The following LBR variants were observed in gnomAD, a reference collection of about 807,000 sequenced individuals.
LBR encodes delta(14)-sterol reductase LBR.
A neutral mutation model predicts 74.3 loss-of-function variants in LBR; 28 were observed. The ratio of observed to expected loss-of-function variants is 0.38; its 90% CI spans 0.28 to 0.52. LBR has a LOEUF of 0.52. Among genes scored for constraint, LBR ranks in the 20% least tolerant of loss-of-function variants. The pLI, the probability that LBR is intolerant of heterozygous loss-of-function variation, is 0.89. For missense variants in LBR, 717 were observed against 760.3 expected (o/e 0.94, Z 0.67); for synonymous variants, 228 against 269.3 (o/e 0.85, Z 1.50).
chr1:225,411,873 A>G (rs1016164577), intron 8 of LBR, among the ~76,000 whole-genome samples: 11 of 152,344 alleles, frequency 7.2e-5, no homozygotes, highest in Admixed American at 7.2e-4. Flanking sequence ...GCAGTGGCAC[A>G]GTCTCGGCTC....
intron 1 of LBR, among the ~76,000 whole-genome samples, chr1:225,425,062 T>TA (rs2096136391): frequency 6.6e-6 from 1 of 152,210 alleles, no homozygotes; most frequent in South Asian, 2.1e-4. Flanking sequence ...TTTCACCAAC[T>TA]AAGCACTTCT....
rs960364423 is a variant in LBR at position 225,422,481 on chromosome 1, G to GC, written c.166-205dup. The GC allele has an allele frequency of 2.0e-5, 12 of 598,354 alleles. No homozygotes were observed. The African/African-American group carries it at 2.2e-4, about 11-fold the overall frequency. 37.1% of individuals were successfully genotyped at this position (598,354 alleles called of 1,614,324 possible). ...ATCCATCTTTCATGAGACAAATGCA[G>GC]CCTTTCCATTCCTGTTCTTTGAAGG... On this transcript the variant is annotated intron_variant, in intron 2 of 13. Transcript: ENST00000272163.
At chr1:225,413,735 C>T (rs140664956) in intron 7 of LBR, 6 of 323,654 alleles carry the variant, frequency 1.9e-5, no homozygotes, top group Admixed American at 8.5e-5. Flanking sequence ...TCCAAAATGT[C>T]TTAGGAACCT....
chr1:225,416,479 A>G (rs2096117396), intron 6 of LBR, among the ~76,000 whole-genome samples: 1 of 152,252 alleles, frequency 6.6e-6, no homozygotes, highest in Non-Finnish European at 1.5e-5. Context: ...TCTTATCATT[A>G]GCTACAGATT....
chr1:225,423,038 C>T (rs1230450472), intron 2 of LBR, among the ~76,000 whole-genome samples: 1 of 152,150 alleles, frequency 6.6e-6, no homozygotes, highest in Non-Finnish European at 1.5e-5. Flanking sequence ...TATTCCTGGT[C>T]TAGAGCACTC....
chr1:225,428,640 C>T (rs1040965742), upstream of LBR: 1 of 152,138 alleles, frequency 6.6e-6, no homozygotes, highest in Non-Finnish European at 1.5e-5. Flanking sequence ...GAAGCGAACC[C>T]GGACCGATGC....
intron 3 of LBR, among the ~76,000 whole-genome samples, chr1:225,420,110 C>T (rs2150956600): frequency 6.6e-6 from 1 of 152,186 alleles, no homozygotes; most frequent in South Asian, 2.1e-4. Context: ...GAGTTCAAGA[C>T]CAGCCTGGCC....
intron 8 of LBR, among the ~76,000 whole-genome samples, 158 bp downstream of exon 8, chr1:225,412,296 A>G (rs916435711): frequency 3.3e-5 from 5 of 152,258 alleles, no homozygotes; most frequent in Non-Finnish European, 7.3e-5. Flanking sequence ...CTTTAAATTC[A>G]TATCTCTTTA....
chr1:225,425,874 G>C (rs1386908896), intron 1 of LBR, among the ~76,000 whole-genome samples: 3 of 152,124 alleles, frequency 2.0e-5, no homozygotes, highest in African/African-American at 7.2e-5. Flanking sequence ...AGGACGCAGG[G>C]GCTACTTGAG....
intron 1 of LBR, 72 bp from the exon 2 acceptor site, chr1:225,424,161 G>T: frequency 8.6e-7 from 1 of 1,159,172 alleles, no homozygotes; most frequent in South Asian, 1.2e-5. Context: ...TCCACAGGCT[G>T]ATCACTAAAA....
chr1:225,404,870 G>A (rs2096088270), intron 11 of LBR, among the ~76,000 whole-genome samples, 164 bp from the exon 12 acceptor site: 1 of 152,152 alleles, frequency 6.6e-6, no homozygotes, highest in South Asian at 2.1e-4. Flanking sequence ...AAAGTGCTGG[G>A]ATTACAGGCA....
chr1:225,415,319 G>A lies in LBR; in HGVS notation c.851C>T (p.Thr284Met), dbSNP rs371750924. ...GAGTCTTCTTCCATCAATAAGAGGC[G>A]TTCCTTCTACAACCTTAAAAGAAAA... ...LLPIGKVVEG[T>M]PLIDGRRLKY... The change falls in exon 7 of 14, where the codon ACG (threonine) becomes ATG (methionine). Residue 284 changes from threonine to methionine, a missense_variant. By Grantham distance (81) the Thr-to-Met change is moderately conservative. Coordinates refer to ENST00000272163, the MANE Select transcript of LBR (RefSeq NM_002296.4). 39 of 1,593,160 alleles carry A rather than the reference G, an allele frequency of 2.4e-5. No homozygotes were observed. The Admixed American group carries it at 3.7e-4, about 15-fold the overall frequency.
At chr1:225,428,463 A>G (rs2096145766), upstream of LBR, among the ~76,000 whole-genome samples, 2 of 152,114 alleles carry the variant, frequency 1.3e-5, no homozygotes, top group African/African-American at 4.8e-5. Context: ...GAAAACTAAT[A>G]CATTCTTGAA....
chr1:225,420,084 G>C (rs553745975), intron 3 of LBR, among the ~76,000 whole-genome samples: 7 of 152,158 alleles, frequency 4.6e-5, no homozygotes, highest in Non-Finnish European at 1.0e-4. Context: ...AAGGCGGGTG[G>C]ATCACCTGAG....
intron 6 of LBR, 48 bp downstream of exon 6, chr1:225,417,935 TA>T: frequency 6.4e-7 from 1 of 1,550,860 alleles, no homozygotes. Context: ...CTGGACAATA[TA>T]GTGAGACCTC....
chr1:225,406,444 G>A (rs778003278), intron 11 of LBR: 102 of 429,580 alleles, frequency 2.4e-4, no homozygotes, highest in Non-Finnish European at 4.0e-4. Context: ...AAAGCAAGAT[G>A]GTTTAAAATA....
intron 4 of LBR, 31 bp downstream of exon 4, chr1:225,419,684 A>C (rs923124347): frequency 2.6e-6 from 4 of 1,518,052 alleles, no homozygotes; most frequent in African/African-American, 2.8e-5. Context: ...AAAAAAAAAA[A>C]CAACCAAGAT....
In LBR at chr1:225,401,521, T is replaced by G. The variant is rs539602874; in HGVS notation, c.*1782A>C. On this transcript the variant is annotated 3_prime_UTR_variant, in exon 14 of 14. Transcript: ENST00000272163. Reference sequence around the variant, plus strand: ...CCAAAGTGATCAAAATGTTGCTACATTTTATTTTCAACTTAAAACTTCATT... The same window carrying G: ...CCAAAGTGATCAAAATGTTGCTACAGTTTATTTTCAACTTAAAACTTCATT... 11 of 151,962 alleles carry G rather than the reference T, an allele frequency of 7.2e-5. No individual in the cohort carries two copies. The South Asian group carries it at 2.3e-3, about 32-fold the overall frequency. The allele number at this position is 151,962 out of a possible 1,614,324, so 9.4% of individuals were successfully genotyped here.
intron 5 of LBR, 43 bp downstream of exon 5, chr1:225,419,220 G>A (rs1297294575): frequency 6.3e-7 from 1 of 1,592,858 alleles, no homozygotes; most frequent in Non-Finnish European, 8.6e-7. Flanking sequence ...ACCACCCCTA[G>A]CTCACCCCAC....
Sources: allele counts gnomAD v4.1 joint callset (sites outside exome capture counted in the v4.1 genomes callset), GRCh38; gene constraint gnomAD v4.1.1; transcripts MANE v1.5; gene names NCBI Gene and HGNC (gene_info 2026-07-23, HGNC 2026-07-21).